GALNT17: variants seen among roughly 807,000 people sequenced by gnomAD.
The protein encoded by GALNT17 is polypeptide N-acetylgalactosaminyltransferase 17.
In GALNT17, 29 loss-of-function variants were observed where a neutral mutation model predicts 63.7. The observed-to-expected ratio is 0.46, with a 90% CI of 0.34 to 0.62. The LOEUF (loss-of-function observed/expected upper bound fraction) is 0.62, where lower values mean the gene tolerates loss of function less well. GALNT17 is among the 20% of genes least tolerant of loss of function. GALNT17 has a pLI of 0.01. For synonymous variants in GALNT17, 305 were observed against 318.3 expected, an observed-to-expected ratio of 0.96 and a Z score of 0.45; for missense variants, 603 against 799.6, an observed-to-expected ratio of 0.75 and a Z score of 2.97.
At chr7:71,492,873 G>A (rs951555435) in intron 5 of GALNT17, among the ~76,000 whole-genome samples, 1 of 152,162 alleles carries the variant, frequency 6.6e-6, no homozygotes, top group Admixed American at 6.5e-5. Flanking sequence ...GGATTATGAT[G>A]GACCAGAGAA....
chr7:71,282,370 G>T (rs756231560), intron 1 of GALNT17, among the ~76,000 whole-genome samples: 3 of 152,228 alleles, frequency 2.0e-5, no homozygotes, highest in Non-Finnish European at 2.9e-5. Flanking sequence ...TTACACAGCA[G>T]AATGAAGGAA....
intron 1 of GALNT17, among the ~76,000 whole-genome samples, chr7:71,253,186 T>C (rs2115567097): frequency 6.6e-6 from 1 of 152,324 alleles, no homozygotes; most frequent in South Asian, 2.1e-4. Flanking sequence ...GATAAAGACA[T>C]ACCCAAGACT....
Position 71,712,243 on chromosome 7 carries a change from C to A in GALNT17, c.*97C>A. ...CCCTGGCGGAGAGACAGCAAGGGGC[C>A]GGCAGGTGCTCGATGGGCCCCCCAG... is the stretch of plus-strand genomic sequence containing the variant. On this transcript the variant is annotated 3_prime_UTR_variant, in exon 11 of 11. Coordinates refer to ENST00000333538, the MANE Select transcript of GALNT17 (RefSeq NM_022479.3). 1.3e-6 allele frequency: 2 copies of A among 1,514,280 alleles called. No individual in the cohort carries two copies. The highest frequency in any genetic ancestry group is 1.3e-5 in the South Asian group (1 of 77,668). The allele number at this position is 1,514,280 out of a possible 1,614,324, so 93.8% of individuals were successfully genotyped here.
chr7:71,679,634 G>C (rs1166965190), intron 9 of GALNT17, among the ~76,000 whole-genome samples: 1 of 151,996 alleles, frequency 6.6e-6, no homozygotes, highest in African/African-American at 2.4e-5. Flanking sequence ...AGCCCAGTTT[G>C]GCCGGAACTT....
chr7:71,355,000 CTTTATT>C (rs953787199), intron 2 of GALNT17, among the ~76,000 whole-genome samples: 17 of 152,000 alleles, frequency 1.1e-4, no homozygotes, highest in African/African-American at 3.6e-4. Context: ...GCAAATGAGT[CTTTATT>C]TTTATTTTTA....
intron 2 of GALNT17, among the ~76,000 whole-genome samples, chr7:71,366,127 G>A (rs1792501850): frequency 6.6e-6 from 1 of 152,052 alleles, no homozygotes; most frequent in Admixed American, 6.6e-5. Flanking sequence ...CAGATCTCAG[G>A]TGGTCACGTG....
chr7:71,292,248 C>T (rs34793488), intron 1 of GALNT17, among the ~76,000 whole-genome samples: 10 of 152,116 alleles, frequency 6.6e-5, no homozygotes, highest in Admixed American at 1.3e-4. Context: ...ATGGGTTGCA[C>T]CACAGGTAGG....
At chr7:71,165,600 G>C (rs909389009) in intron 1 of GALNT17, among the ~76,000 whole-genome samples, 5 of 152,126 alleles carry the variant, frequency 3.3e-5, no homozygotes, top group African/African-American at 9.7e-5. Context: ...CTCCCACCGG[G>C]TCCCTCATGG....
At chr7:71,269,182 T>C (rs1256128523) in intron 1 of GALNT17, among the ~76,000 whole-genome samples, 1 of 152,204 alleles carries the variant, frequency 6.6e-6, no homozygotes, top group African/African-American at 2.4e-5. Flanking sequence ...AAGCCTTTTG[T>C]GGCCAGGCAT....
chr7:71,486,220 T>G (rs1787906171), intron 5 of GALNT17, among the ~76,000 whole-genome samples: 1 of 151,800 alleles, frequency 6.6e-6, no homozygotes, highest in African/African-American at 2.4e-5. Context: ...TCCCAGCTAC[T>G]TGGGAGGCTG....
chr7:71,169,460 G>A (rs939760574), intron 1 of GALNT17, among the ~76,000 whole-genome samples: 14 of 152,228 alleles, frequency 9.2e-5, no homozygotes, highest in Non-Finnish European at 1.9e-4. Flanking sequence ...TGGTTTCAGC[G>A]GGAAAAGCCA....
intron 6 of GALNT17, among the ~76,000 whole-genome samples, chr7:71,601,905 G>A (rs1404902252): frequency 6.6e-6 from 1 of 152,242 alleles, no homozygotes; most frequent in Non-Finnish European, 1.5e-5. Context: ...GAATTTCAGT[G>A]AAATCATGAT....
chr7:71,309,007 G>C (rs1022972718), intron 1 of GALNT17, among the ~76,000 whole-genome samples: 2 of 152,100 alleles, frequency 1.3e-5, no homozygotes, highest in Admixed American at 1.3e-4. Context: ...GCCTCCCAAA[G>C]TGTTGGGATT....
Position 71,412,999 on chromosome 7 carries a change from C to T in GALNT17, c.590-2890C>T, listed in dbSNP as rs1014366030. 1.6e-4 allele frequency among the ~76,000 whole-genome samples: 25 copies of T among 152,254 alleles called. No individual in the cohort carries two copies. In the South Asian group the frequency reaches 2.3e-3, roughly 14 times the overall value. On this transcript the variant is annotated intron_variant, in intron 3 of 10. Transcript: ENST00000333538. ...TGGAGGTTGCAGTGAGCTGAGGTCA[C>T]GCCACTGTACTCCAGCCTGGGTGGC...
At chr7:71,578,984 A>G (rs1291081330) in intron 6 of GALNT17, among the ~76,000 whole-genome samples, 1 of 152,156 alleles carries the variant, frequency 6.6e-6, no homozygotes, top group Non-Finnish European at 1.5e-5. Flanking sequence ...ACATCCATTG[A>G]ATAATGTAAT....
intron 3 of GALNT17, among the ~76,000 whole-genome samples, chr7:71,409,520 C>T (rs76949282): frequency 0.045 from 6,802 of 152,294 alleles, 546 homozygotes; most frequent in African/African-American, 0.16. Context: ...CAGTAAGTCT[C>T]ATCATCAAGG....
intron 1 of GALNT17, among the ~76,000 whole-genome samples, chr7:71,246,295 G>C (rs1050378463): frequency 1.3e-4 from 20 of 151,016 alleles, no homozygotes; most frequent in Non-Finnish European, 3.0e-5. Context: ...GCTAATTTTT[G>C]TATTCTTAGT....
chr7:71,452,143 T>C (rs139998066), intron 5 of GALNT17, among the ~76,000 whole-genome samples: 2,956 of 152,122 alleles, frequency 0.019, 38 homozygotes, highest in Non-Finnish European at 0.026. Context: ...CTTGGGAGTC[T>C]GAGATGGGAG....
intron 1 of GALNT17, among the ~76,000 whole-genome samples, chr7:71,334,078 G>GA (rs1791854765): frequency 6.6e-6 from 1 of 152,168 alleles, no homozygotes; most frequent in Admixed American, 6.5e-5. Flanking sequence ...GTGGCAGCAA[G>GA]AAAAGATACC....
Sources: allele counts gnomAD v4.1 joint callset (sites outside exome capture counted in the v4.1 genomes callset), GRCh38; gene constraint gnomAD v4.1.1; transcripts MANE v1.5; gene names NCBI Gene and HGNC (gene_info 2026-07-23, HGNC 2026-07-21).